NEK8: variants seen among roughly 807,000 people sequenced by gnomAD.
NEK8 encodes NIMA related kinase 8, also known as serine/threonine-protein kinase Nek8.
A neutral mutation model predicts 77.2 loss-of-function variants in NEK8; 51 were observed. That is an observed-to-expected ratio of 0.66 (90% CI 0.53 to 0.83). The LOEUF (loss-of-function observed/expected upper bound fraction) is 0.83, where lower values mean the gene tolerates loss of function less well. Ranked by LOEUF, NEK8 falls within the 40% of genes least tolerant of loss-of-function variation. The probability of loss-of-function intolerance (pLI) is 0.00; values close to 1 mark genes in which losing one functional copy is unlikely to be tolerated. For missense variants in NEK8, 787 were observed against 909.2 expected (o/e 0.87, Z 1.73); for synonymous variants, 365 against 363.2 (o/e 1.00, Z -0.06).
rs1282056599 is a variant in NEK8 at position 28,739,186 on chromosome 17, G to C, written c.1402G>C (p.Gly468Arg). The change falls in exon 10 of 15, where the codon GGC becomes CGC. Residue 468 changes from glycine to arginine, a missense_variant. Gly to Arg is a moderately radical substitution (Grantham distance 125). Transcript: ENST00000268766. ...LSTERELFAWGRGDSGRLGLG... is the reference protein window; with the variant it reads ...LSTERELFAWRRGDSGRLGLG... ...CACTGAGCGAGAACTATTTGCCTGG[G>C]GCCGTGGAGACAGCGGTAAGCTCCA... is the stretch of plus-strand genomic sequence containing the variant. 4 of 1,613,504 alleles carry C rather than the reference G, an allele frequency of 2.5e-6. No individual in the cohort carries two copies. The highest frequency in any genetic ancestry group is 3.4e-6 in the Non-Finnish European group (4 of 1,179,396).
rs776795410 is a variant in NEK8, at chr17:28,740,409, G to A, written c.1418-54G>A. The A allele has an allele frequency of 2.3e-5, 36 of 1,551,966 alleles. No homozygotes were observed. The highest frequency in any genetic ancestry group is 2.8e-5 in the Non-Finnish European group (32 of 1,123,580). Reference sequence around the variant, plus strand: ...TCCCCTCAGTGGGCCCTCCTCATTCGGGCATCACCCCCACTAAAGCTCAAA... The same window carrying A: ...TCCCCTCAGTGGGCCCTCCTCATTCAGGCATCACCCCCACTAAAGCTCAAA... On this transcript the variant is annotated intron_variant, in intron 10 of 14. Coordinates refer to ENST00000268766, the MANE Select transcript of NEK8 (RefSeq NM_178170.3). This position sits in a 1 kb window ranked among gnomAD's most constrained non-coding sequence, Gnocchi z 4.7.
chr17:28,734,115 C>T lies in NEK8; in HGVS notation c.180C>T (p.His60=). 1 of 1,614,104 alleles carries T rather than the reference C, an allele frequency of 6.2e-7. No homozygotes were observed. Among genetic ancestry groups the T allele is most frequent in the Non-Finnish European group, 8.5e-7 (1 of 1,179,996 alleles). Residue 60 remains histidine (H), a synonymous_variant, in exon 2 of 15, where the codon CAC becomes CAT. Coordinates refer to ENST00000268766, the MANE Select transcript of NEK8 (RefSeq NM_178170.3). ...NECQVLKLLN[H]PNVIEYYENF... ...GCCAGGTCCTCAAGCTGCTCAACCA[C>T]CCCAATGTCATTGAGTACTACGAGA...
At position 28,741,687 on chromosome 17, in the gene NEK8, A is replaced by C; in HGVS notation, c.2050+116A>C. The C allele has an allele frequency of 1.5e-6, 2 of 1,315,042 alleles. No homozygotes were observed. The highest frequency in any genetic ancestry group is 1.2e-5 in the South Asian group (1 of 84,670). The allele number at this position is 1,315,042 out of a possible 1,614,324, so 81.5% of individuals were successfully genotyped here. ...AAAAGCATCTTTAGCCCCCAGATAAAAAAAGCAGAAGCTGCGGTTGAAAAG... is the reference window on the plus strand; with the variant it reads ...AAAAGCATCTTTAGCCCCCAGATAACAAAAGCAGAAGCTGCGGTTGAAAAG... On this transcript the variant is annotated intron_variant, in intron 14 of 14. Coordinates refer to ENST00000268766, the MANE Select transcript of NEK8 (RefSeq NM_178170.3). This position sits in a 1 kb window ranked among gnomAD's most constrained non-coding sequence, Gnocchi z 4.5.
chr17:28,729,176 T>C (rs1227410355), intron 1 of NEK8, among the ~76,000 whole-genome samples: 1 of 152,272 alleles, frequency 6.6e-6, no homozygotes, highest in East Asian at 1.9e-4. Context: ...GGGCGTGGTC[T>C]TTTCCCTCTT....
At chr17:28,731,195 C>T (rs560054598) in intron 1 of NEK8, among the ~76,000 whole-genome samples, 18 of 151,898 alleles carry the variant, frequency 1.2e-4, no homozygotes, top group African/African-American at 4.1e-4. Context: ...TGAGACTGTG[C>T]CATTGCACTA....
chr17:28,729,082 T>G (rs546806194), intron 1 of NEK8, among the ~76,000 whole-genome samples: 3 of 152,364 alleles, frequency 2.0e-5, no homozygotes, highest in African/African-American at 4.8e-5. Flanking sequence ...TATGTTAGCT[T>G]CTTTATTCAT....
At position 28,741,428 on chromosome 17, in the gene NEK8, C is replaced by A. The variant is rs770875630; in HGVS notation, c.1907C>A (p.Ser636Tyr). 1 of 1,614,090 alleles carries A rather than the reference C, an allele frequency of 6.2e-7. No homozygotes were observed. The highest frequency in any genetic ancestry group is 8.5e-7 in the Non-Finnish European group (1 of 1,179,996). ...TTCCTGGCAGAGAGCGAAGTGTACT[C>A]TTGGGGCAAAGGGGCGCGAGGTCGA... ...VAIGAESEVY[S>Y]WGKGARGRLG... The change falls in exon 14 of 15, where the codon TCT becomes TAT. Residue 636 changes from serine to tyrosine, a missense_variant. By Grantham distance (144) the Ser-to-Tyr change is moderately radical. Around this residue, in one of 2 missense-constraint regions of NEK8, gnomAD observed 516 missense variants for 544.0 expected, o/e 0.95. Coordinates refer to ENST00000268766, the MANE Select transcript of NEK8 (RefSeq NM_178170.3). This position sits in a 1 kb window ranked among gnomAD's most constrained non-coding sequence, Gnocchi z 4.5.
Position 28,741,096 on chromosome 17 carries a change from C to T in NEK8, c.1751C>T (p.Thr584Ile). 2 of 1,614,226 alleles carry T rather than the reference C, an allele frequency of 1.2e-6. No individual in the cohort carries two copies. Among genetic ancestry groups the T allele is most frequent in the Non-Finnish European group, 1.7e-6 (2 of 1,180,044 alleles). The change falls in exon 13 of 15, where the codon ACT (threonine) becomes ATT (isoleucine). Residue 584 changes from threonine to isoleucine, a missense_variant. Thr to Ile is a moderately conservative substitution (Grantham distance 89, BLOSUM62 -1). Transcript: ENST00000268766. The surrounding 1 kb of genome is among the most constrained non-coding windows in gnomAD (Gnocchi z 4.5). ...CCCATAGCCTCGGGTGATTGCTACA[C>T]TTTTGGCAGCAATCAGCACGGACAG... Reference protein sequence around the residue: ...AAVTASGDCYTFGSNQHGQLG... With the variant: ...AAVTASGDCYIFGSNQHGQLG...
At position 28,734,853 on chromosome 17, in the gene NEK8, T is replaced by C. The variant is rs1160090807; in HGVS notation, c.335T>C (p.Ile112Thr). The C allele has an allele frequency of 1.2e-6, 2 of 1,613,802 alleles. No individual in the cohort carries two copies. Among genetic ancestry groups the C allele is most frequent in the African/African-American group, 2.7e-5 (2 of 75,022 alleles). Residue 112 changes from isoleucine to threonine, a missense_variant, in exon 3 of 15, where the codon ATC becomes ACC. Around this residue, in one of 2 missense-constraint regions of NEK8, gnomAD observed 271 missense variants for 365.1 expected, o/e 0.74. Transcript: ENST00000268766. ...EETILHFFVQILLALHHVHTH... is the reference protein window; with the variant it reads ...EETILHFFVQTLLALHHVHTH... ...ACCATCCTGCACTTCTTCGTGCAGA[T>C]CCTGCTTGCACTGCATCATGTGCAC...
In NEK8 at chr17:28,735,308, C is replaced by T; in HGVS notation, c.555C>T (p.Asp185=). The stretch of plus-strand genomic sequence containing the variant: ...GCAAGCCCTACAACCAGAAGAGTGA[C>T]ATCTGGGCCCTGGGCTGTGTCCTCT... The part of the protein sequence containing the change: ...CEGKPYNQKS[D]IWALGCVLYE... Residue 185 remains aspartate (D), a synonymous_variant, in exon 4 of 15, where the codon GAC becomes GAT. Coordinates refer to ENST00000268766, the MANE Select transcript of NEK8 (RefSeq NM_178170.3). The T allele has an allele frequency of 6.2e-7, 1 of 1,614,122 alleles. No homozygotes were observed. Among genetic ancestry groups the T allele is most frequent in the Non-Finnish European group, 8.5e-7 (1 of 1,179,988 alleles).
intron 1 of NEK8, among the ~76,000 whole-genome samples, chr17:28,730,334 G>GCTC (rs2034294970): frequency 7.2e-6 from 1 of 138,532 alleles, no homozygotes; most frequent in African/African-American, 2.8e-5. Flanking sequence ...TGTTGCCCAG[G>GCTC]CTGGAGTGCA....
chr17:28,732,420 T>C (rs1237544061), intron 1 of NEK8, among the ~76,000 whole-genome samples: 1 of 151,924 alleles, frequency 6.6e-6, no homozygotes, highest in Non-Finnish European at 1.5e-5. Context: ...TTATGATGAC[T>C]ATAGGGCAAG....
chr17:28,737,922 C>A lies in NEK8; in HGVS notation c.993C>A (p.Asn331Lys). Residue 331 changes from asparagine to lysine, a missense_variant, in exon 7 of 15, where the codon AAC becomes AAA. Asn to Lys is a moderately conservative substitution (Grantham distance 94, BLOSUM62 0). Transcript: ENST00000268766. The surrounding 1 kb of genome is among the most constrained non-coding windows in gnomAD (Gnocchi z 4.8). The part of the protein sequence containing the change: ...LGTPLRLPML[N>K]TEVVQVAAGR... The stretch of plus-strand genomic sequence containing the variant: ...CCCCCCTGCGGCTGCCAATGCTCAA[C>A]ACAGAGGTGGTCCAGGTGGCAGCTG... The A allele has an allele frequency of 6.2e-7, 1 of 1,613,574 alleles. No individual in the cohort carries two copies. The highest frequency in any genetic ancestry group is 8.5e-7 in the Non-Finnish European group (1 of 1,179,786).
Position 28,741,086 on chromosome 17 carries a change from G to C in NEK8, c.1741G>C (p.Asp581His). 1 of 1,614,190 alleles carries C rather than the reference G, an allele frequency of 6.2e-7. No individual in the cohort carries two copies. The highest frequency in any genetic ancestry group is 8.5e-7 in the Non-Finnish European group (1 of 1,180,042). ...CTTCCTCTCCCCCATAGCCTCGGGT[G>C]ATTGCTACACTTTTGGCAGCAATCA... ...AHSAAVTASG[D>H]CYTFGSNQHG... The change falls in exon 13 of 15, where the codon GAT becomes CAT. Residue 581 changes from aspartate (D) to histidine (H), a missense_variant. Asp to His is a moderately conservative substitution (Grantham distance 81). This residue lies in a region of NEK8 where 516 missense variants were observed against 544.0 expected (regional missense o/e 0.95). Coordinates refer to ENST00000268766, the MANE Select transcript of NEK8 (RefSeq NM_178170.3). The surrounding 1 kb of genome is among the most constrained non-coding windows in gnomAD (Gnocchi z 4.5).
In NEK8 at chr17:28,728,880, G is replaced by C; in HGVS notation, c.47+20G>C. ...CTTCGGGTGAGCCAGGGCTCTGGGG[G>C]AGGAAACTGCTAGGGGATAGGGAAA... is the stretch of plus-strand genomic sequence containing the variant. On this transcript the variant is annotated intron_variant, in intron 1 of 14. Coordinates refer to ENST00000268766, the MANE Select transcript of NEK8 (RefSeq NM_178170.3). 1 of 1,545,042 alleles carries C rather than the reference G, an allele frequency of 6.5e-7. No individual in the cohort carries two copies.
Position 28,734,876 on chromosome 17 carries a change from C to T in NEK8, c.358C>T (p.His120Tyr). The T allele has an allele frequency of 6.2e-7, 1 of 1,613,694 alleles. No homozygotes were observed. Among genetic ancestry groups the T allele is most frequent in the Non-Finnish European group, 8.5e-7 (1 of 1,179,884 alleles). ...GATCCTGCTTGCACTGCATCATGTG[C>T]ACACCCACCTCATCCTGCACCGAGA... ...VQILLALHHV[H>Y]THLILHRDLK... Residue 120 changes from histidine to tyrosine, a missense_variant, in exon 3 of 15, where the codon CAC becomes TAC. Physicochemically the swap from His to Tyr is moderately conservative, Grantham distance 83. Around this residue, in one of 2 missense-constraint regions of NEK8, gnomAD observed 271 missense variants for 365.1 expected, o/e 0.74. Transcript: ENST00000268766.
chr17:28,731,477 T>C (rs1264852235), intron 1 of NEK8, among the ~76,000 whole-genome samples: 4 of 151,836 alleles, frequency 2.6e-5, no homozygotes, highest in African/African-American at 9.7e-5. Flanking sequence ...AGGCGGAGGA[T>C]GTAGTGAGCC....
chr17:28,730,853 G>A (rs972923518), intron 1 of NEK8, among the ~76,000 whole-genome samples: 4 of 152,192 alleles, frequency 2.6e-5, no homozygotes, highest in Admixed American at 1.3e-4. Flanking sequence ...AGCATGGGAG[G>A]TGGAGGCTGT....
chr17:28,734,290 A>G (rs1475442538), intron 2 of NEK8, 102 bp downstream of exon 2: 2 of 1,060,872 alleles, frequency 1.9e-6, no homozygotes, highest in Non-Finnish European at 2.9e-6. Flanking sequence ...GGCATGGCCA[A>G]GGGTTAGAGT....
Sources: allele counts gnomAD v4.1 joint callset (sites outside exome capture counted in the v4.1 genomes callset), GRCh38; gene constraint gnomAD v4.1.1; regional missense constraint gnomAD v4.1.1; non-coding constraint Gnocchi (gnomAD v3.1); transcripts MANE v1.5; gene names NCBI Gene and HGNC (gene_info 2026-07-23, HGNC 2026-07-21).